ZNF26: variants seen among roughly 807,000 people sequenced by gnomAD.
ZNF26 encodes the protein zinc finger protein 26.
ZNF26 carries 32 observed loss-of-function variants against 54.9 expected under a neutral mutation model. The observed-to-expected ratio is 0.58, with a 90% CI of 0.44 to 0.78. The LOEUF (loss-of-function observed/expected upper bound fraction) is 0.78, where lower values mean the gene tolerates loss of function less well. Among genes scored for constraint, ZNF26 ranks in the 30% least tolerant of loss-of-function variants. The pLI is 0.00. For missense variants in ZNF26, 524 were observed against 634.0 expected, an observed-to-expected ratio of 0.83 and a Z score of 1.86; for synonymous variants, 221 against 209.2, an observed-to-expected ratio of 1.06 and a Z score of -0.49.
At chr12:132,998,095 A>C (rs1417219393) in intron 1 of ZNF26, among the ~76,000 whole-genome samples, 1 of 152,092 alleles carries the variant, frequency 6.6e-6, no homozygotes, top group Non-Finnish European at 1.5e-5. Flanking sequence ...GGTTATTTGC[A>C]TAAAGAATAG....
rs1344669056 is a variant in ZNF26, at chr12:133,012,330, C to T, written c.*849C>T. On this transcript the variant is annotated 3_prime_UTR_variant, in exon 4 of 4. Coordinates refer to ENST00000328654, the MANE Select transcript of ZNF26 (RefSeq NM_019591.4). ...ATCCGTTCCACTAGCTACAGGTGAG[C>T]ATTTTACCCATTGTTGGATAATGGT... 6.6e-6 allele frequency: 1 copy of T among 152,080 alleles called. No individual in the cohort carries two copies. Among genetic ancestry groups the T allele is most frequent in the Non-Finnish European group, 1.5e-5 (1 of 68,022 alleles). 9.4% of individuals were successfully genotyped at this position (152,080 alleles called of 1,614,324 possible).
intron 1 of ZNF26, among the ~76,000 whole-genome samples, chr12:132,989,446 C>G (rs1952900145): frequency 1.3e-5 from 2 of 152,116 alleles, no homozygotes; most frequent in Non-Finnish European, 2.9e-5. Flanking sequence ...ATTCAAAATG[C>G]TTAAGACCAG....
At chr12:132,995,108 A>G (rs1166044536) in intron 1 of ZNF26, 1 of 152,200 alleles carries the variant, frequency 6.6e-6, no homozygotes, top group Non-Finnish European at 1.5e-5. Context: ...TGGCGAAATG[A>G]CTTCACATTC....
Position 133,017,202 on chromosome 12 carries a change from TC to T in ZNF26, c.*5722del, listed in dbSNP as rs1474790760. On this transcript the variant is annotated 3_prime_UTR_variant, in exon 4 of 4. Transcript: ENST00000328654. ...TAACAGTATGTAACATTGGAAGAAGTCTAATAATTTTTAGGGGAGTAGAGAT... is the reference window on the plus strand; with the variant it reads ...TAACAGTATGTAACATTGGAAGAAGTTAATAATTTTTAGGGGAGTAGAGAT... 2 of 152,112 alleles carry T rather than the reference TC, an allele frequency of 1.3e-5. No individual in the cohort carries two copies. Among genetic ancestry groups the T allele is most frequent in the Non-Finnish European group, 2.9e-5 (2 of 68,036 alleles). 9.4% of individuals were successfully genotyped at this position (152,112 alleles called of 1,614,324 possible).
chr12:133,009,105 C>T (rs1322638967), intron 3 of ZNF26, among the ~76,000 whole-genome samples: 2 of 152,198 alleles, frequency 1.3e-5, no homozygotes, highest in Non-Finnish European at 2.9e-5. Flanking sequence ...CCACCTCCAG[C>T]ACTAGAGATT....
At position 133,020,511 on chromosome 12, in the gene ZNF26, T is replaced by C. The variant is rs1318368135; in HGVS notation, c.*9030T>C. On this transcript the variant is annotated 3_prime_UTR_variant, in exon 4 of 4. Transcript: ENST00000328654. ...CTCAAAAAAGGCAAAAAAGAAGATA[T>C]AATAATTATAAACATGTATGTACCT... 6.6e-6 allele frequency: 1 copy of C among 152,132 alleles called. No homozygotes were observed. The highest frequency in any genetic ancestry group is 1.5e-5 in the Non-Finnish European group (1 of 68,016). 9.4% of individuals were successfully genotyped at this position (152,132 alleles called of 1,614,324 possible).
chr12:132,989,028 A>ATTTTTTTTT (rs150395603), intron 1 of ZNF26, among the ~76,000 whole-genome samples: 2 of 78,826 alleles, frequency 2.5e-5, no homozygotes, highest in African/African-American at 5.0e-5. Flanking sequence ...CTTTCGGTGA[A>ATTTTTTTTT]TTTTTTTTTT....
Position 133,010,735 on chromosome 12 carries a change from TATGA to T in ZNF26, c.860_863del (p.Glu287AlafsTer10). 1 of 1,613,562 alleles carries T rather than the reference TATGA, an allele frequency of 6.2e-7. No individual in the cohort carries two copies. Among genetic ancestry groups the T allele is most frequent in the Non-Finnish European group, 8.5e-7 (1 of 1,179,608 alleles). ...GAGAAGTCACACAGGAGTGAAACCG[TATGA>T]ATGCAGCGAATGTGGGAAAGCCTTT... On this transcript the variant is annotated frameshift_variant, in exon 4 of 4. Transcript: ENST00000328654. LOFTEE classifies it high-confidence loss of function.
rs1185827697 is a variant in ZNF26, at chr12:133,024,952, T to C, written c.*13471T>C. 2 of 152,154 alleles carry C rather than the reference T, an allele frequency of 1.3e-5. No homozygotes were observed. Among genetic ancestry groups the C allele is most frequent in the East Asian group, 1.9e-4 (1 of 5,194 alleles). 9.4% of individuals were successfully genotyped at this position (152,154 alleles called of 1,614,324 possible). A position where few individuals can be genotyped will look rare whatever the true frequency, so the allele number is the denominator to read the frequency against. On this transcript the variant is annotated 3_prime_UTR_variant, in exon 4 of 4. Transcript: ENST00000328654. ...AGGACAAACTGTATAAAAAAAGATA[T>C]TTGAACTCTCAACCTTTTTGCTCAG... is the stretch of plus-strand genomic sequence containing the variant.
chr12:133,003,414 C>G (rs1953262036), intron 1 of ZNF26, among the ~76,000 whole-genome samples: 1 of 152,076 alleles, frequency 6.6e-6, no homozygotes, highest in Admixed American at 6.6e-5. Context: ...GCCACCACGC[C>G]TGGCTAATTT....
rs1953678292 is a variant in ZNF26 at position 133,024,543 on chromosome 12, G to A, written c.*13062G>A. On this transcript the variant is annotated 3_prime_UTR_variant, in exon 4 of 4. Coordinates refer to ENST00000328654, the MANE Select transcript of ZNF26 (RefSeq NM_019591.4). ...AAATGAACCATTCCATGGAGGAAAT[G>A]GTAAACAGTCTTTTCAGCTTGTAAA... 6.6e-6 allele frequency: 1 copy of A among 152,128 alleles called. No homozygotes were observed. The highest frequency in any genetic ancestry group is 2.4e-5 in the African/African-American group (1 of 41,414). The allele number at this position is 152,128 out of a possible 1,614,324, so 9.4% of individuals were successfully genotyped here. A position where few individuals can be genotyped will look rare whatever the true frequency, so the allele number is the denominator to read the frequency against.
chr12:132,993,559 G>C (rs1436576723), intron 1 of ZNF26, among the ~76,000 whole-genome samples: 1 of 149,338 alleles, frequency 6.7e-6, no homozygotes, highest in Non-Finnish European at 1.5e-5. Flanking sequence ...GGGTTCAAGT[G>C]ATTCTTCTGC....
intron 1 of ZNF26, among the ~76,000 whole-genome samples, chr12:133,003,499 C>T (rs1382241922): frequency 5.9e-5 from 9 of 152,136 alleles, no homozygotes; most frequent in African/African-American, 1.7e-4. Context: ...TGTGATCCGC[C>T]GCCTCGGCCT....
rs1483695149 is a variant in ZNF26, at chr12:133,021,903, G to C, written c.*10422G>C. On this transcript the variant is annotated 3_prime_UTR_variant, in exon 4 of 4. Transcript: ENST00000328654. Reference sequence around the variant, plus strand: ...ATTACTTTTTAAACTTTCATGTTTTGTGGAGTCATTTCTAAATCAAATCAT... The same window carrying C: ...ATTACTTTTTAAACTTTCATGTTTTCTGGAGTCATTTCTAAATCAAATCAT... The C allele has an allele frequency of 6.6e-6, 1 of 152,104 alleles. No individual in the cohort carries two copies. The highest frequency in any genetic ancestry group is 1.5e-5 in the Non-Finnish European group (1 of 68,002). 9.4% of individuals were successfully genotyped at this position (152,104 alleles called of 1,614,324 possible).
intron 1 of ZNF26, among the ~76,000 whole-genome samples, chr12:133,003,380 G>A (rs1484930705): frequency 1.3e-5 from 2 of 150,696 alleles, no homozygotes; most frequent in East Asian, 2.0e-4. Flanking sequence ...TCAGCCTCCC[G>A]AGTAGCTGGG....
At chr12:133,002,451 A>T (rs926295309) in intron 1 of ZNF26, among the ~76,000 whole-genome samples, 22 of 151,922 alleles carry the variant, frequency 1.4e-4, no homozygotes, top group African/African-American at 4.8e-4. Flanking sequence ...AGTCAGGATG[A>T]TCTCAAAATA....
At chr12:133,006,351 T>G (rs1449726898) in intron 1 of ZNF26, 1 of 931,514 alleles carries the variant, frequency 1.1e-6, no homozygotes, top group African/African-American at 1.8e-5. Context: ...TACCCCAACT[T>G]CTTGAACACA....
intron 1 of ZNF26, among the ~76,000 whole-genome samples, chr12:132,989,553 TTA>T (rs1331384264): frequency 1.3e-5 from 2 of 152,240 alleles, no homozygotes; most frequent in African/African-American, 4.8e-5. Flanking sequence ...CAGAATTTGT[TTA>T]TGTTTCATAT....
Position 133,010,800 on chromosome 12 carries a change from T to C in ZNF26, c.921T>C (p.Thr307=). The C allele has an allele frequency of 6.2e-7, 1 of 1,614,032 alleles. No individual in the cohort carries two copies. The highest frequency in any genetic ancestry group is 1.3e-5 in the African/African-American group (1 of 75,022). ...LKSPFVVHQR[T]HTGVKPHKCS... ...CTCCATTCGTTGTACACCAGAGAAC[T>C]CATACAGGAGTGAAACCCCATAAAT... The change falls in exon 4 of 4, where the codon ACT becomes ACC. Residue 307 remains threonine, a synonymous_variant. Transcript: ENST00000328654.
Sources: allele counts gnomAD v4.1 joint callset (sites outside exome capture counted in the v4.1 genomes callset), GRCh38; gene constraint gnomAD v4.1.1; transcripts MANE v1.5; gene names NCBI Gene and HGNC (gene_info 2026-07-23, HGNC 2026-07-21).